Variants in CRYBG1 observed in about 807,000 individuals in gnomAD.
CRYBG1 encodes crystallin beta-gamma domain containing 1, also known as beta/gamma crystallin domain-containing protein 1.
In CRYBG1, 139 loss-of-function variants were observed where a neutral mutation model predicts 189.2. The ratio of observed to expected loss-of-function variants is 0.73; its 90% confidence interval spans 0.64 to 0.85. CRYBG1 has a LOEUF of 0.85. CRYBG1 is among the 40% of genes least tolerant of loss of function. The probability of loss-of-function intolerance (pLI) is 0.00; values close to 1 mark genes in which losing one functional copy is unlikely to be tolerated. For synonymous variants in CRYBG1, 1,023 were observed against 1,017.1 expected (o/e 1.01, Z -0.11); for missense variants, 2,611 against 2,675.8 (o/e 0.98, Z 0.53).
chr6:106,457,495 C>T (rs985126083), intron 2 of CRYBG1, among the ~76,000 whole-genome samples: 6 of 152,126 alleles, frequency 3.9e-5, no homozygotes, highest in African/African-American at 1.2e-4. Flanking sequence ...TTGTAGGGGA[C>T]AAATATTTAA....
Position 106,511,927 on chromosome 6 carries a change from G to T in CRYBG1, c.810G>T (p.Thr270=). The part of the protein sequence containing the change: ...GNSSRQENAE[T]PARSPGEDAS... ...CCTCCAGGCAAGAGAACGCAGAGAC[G>T]CCCGCCCGCAGTCCGGGGGAGGACG... is the stretch of plus-strand genomic sequence containing the variant. Residue 270 remains threonine, a synonymous_variant, in exon 3 of 22, where the codon ACG becomes ACT. Transcript: ENST00000633556. 1 of 1,525,068 alleles carries T rather than the reference G, an allele frequency of 6.6e-7. No individual in the cohort carries two copies. The highest frequency in any genetic ancestry group is 1.2e-5 in the South Asian group (1 of 83,134). 94.5% of individuals were successfully genotyped at this position (1,525,068 alleles called of 1,614,324 possible).
chr6:106,394,567 C>T (rs1444497271), intron 1 of CRYBG1, among the ~76,000 whole-genome samples: 1 of 152,156 alleles, frequency 6.6e-6, no homozygotes, highest in Non-Finnish European at 1.5e-5. Flanking sequence ...TTATTCCCAG[C>T]ATTGTTAAGC....
intron 15 of CRYBG1, among the ~76,000 whole-genome samples, chr6:106,552,756 T>C (rs1009030036): frequency 6.6e-6 from 1 of 152,220 alleles, no homozygotes; most frequent in African/African-American, 2.4e-5. Flanking sequence ...AAAATGCTTA[T>C]TGTATAAAGC....
intron 21 of CRYBG1, among the ~76,000 whole-genome samples, chr6:106,564,433 G>A (rs1209826973): frequency 6.6e-6 from 1 of 152,222 alleles, no homozygotes; most frequent in East Asian, 1.9e-4. Context: ...CAGCCTACAG[G>A]ATTTCAATGC....
chr6:106,493,761 A>G (rs1772779188), intron 2 of CRYBG1, among the ~76,000 whole-genome samples: 1 of 152,158 alleles, frequency 6.6e-6, no homozygotes, highest in South Asian at 2.1e-4. Context: ...ATGAGAACAC[A>G]TGGACACGTG....
chr6:106,433,763 A>G lies in CRYBG1; in HGVS notation c.174-17931A>G, dbSNP rs1304524546. On this transcript the variant is annotated intron_variant, in intron 1 of 21. Coordinates refer to ENST00000633556, the MANE Select transcript of CRYBG1 (RefSeq NM_001371242.2). ...TATATATGTATATATATATGTGTAT[A>G]TATATATATGTATATATATATAAAC... 4.8e-5 allele frequency among the ~76,000 whole-genome samples: 4 copies of G among 83,620 alleles called. 1 individual carries two copies. The highest frequency in any genetic ancestry group is 1.1e-4 in the Admixed American group (1 of 9,308). The allele number at this position is 83,620 out of a possible 152,430, so 54.9% of individuals were successfully genotyped here.
intron 1 of CRYBG1, among the ~76,000 whole-genome samples, chr6:106,399,534 G>A (rs559427853): frequency 4.6e-5 from 7 of 152,086 alleles, no homozygotes; most frequent in East Asian, 1.9e-4. Flanking sequence ...TGTTAAAAAC[G>A]TTAAAGGCCA....
At chr6:106,493,570 CAAGAG>C (rs1328875570) in intron 2 of CRYBG1, among the ~76,000 whole-genome samples, 2 of 152,070 alleles carry the variant, frequency 1.3e-5, no homozygotes, top group African/African-American at 4.8e-5. Context: ...TCACAATAGT[CAAGAG>C]AAGGAAAGAA....
At chr6:106,563,713 G>C in intron 20 of CRYBG1, 51 bp from the exon 21 acceptor site, 1 of 1,546,480 alleles carries the variant, frequency 6.5e-7, no homozygotes, top group Non-Finnish European at 8.8e-7. Context: ...ATTGCTATGA[G>C]ACTTACAGCT....
chr6:106,501,938 C>T (rs573900658), intron 2 of CRYBG1, among the ~76,000 whole-genome samples: 37 of 152,310 alleles, frequency 2.4e-4, no homozygotes, highest in African/African-American at 8.2e-4. Flanking sequence ...GTCTCAAGGT[C>T]ACTAGAAGTC....
intron 13 of CRYBG1, among the ~76,000 whole-genome samples, chr6:106,545,436 A>G (rs1345473824): frequency 2.6e-5 from 4 of 152,224 alleles, no homozygotes; most frequent in Non-Finnish European, 5.9e-5. Context: ...TTTAGTCAAG[A>G]TTCTTTGGGA....
rs1028996917 is a variant in CRYBG1, at chr6:106,527,413, C to G, written c.4521C>G (p.His1507Gln). ...LWGIEDILERHEEAESDKPVV... is the reference protein window; with the variant it reads ...LWGIEDILERQEEAESDKPVV... ...GTATAGAAGACATTTTGGAAAGGCA[C>G]GAAGAAGCAGAGTCTGATAAGCCAG... The change falls in exon 7 of 22, where the codon CAC (histidine) becomes CAG (glutamine). Residue 1507 changes from histidine (H) to glutamine (Q), a missense_variant. Physicochemically the swap from His to Gln is conservative, Grantham distance 24 (BLOSUM62 0). This residue lies in a region of CRYBG1 where 1,622 missense variants were observed against 1,735.0 expected (regional missense o/e 0.93). Coordinates refer to ENST00000633556, the MANE Select transcript of CRYBG1 (RefSeq NM_001371242.2). The G allele has an allele frequency of 1.2e-6, 2 of 1,613,506 alleles. No homozygotes were observed. Among genetic ancestry groups the G allele is most frequent in the East Asian group, 4.5e-5 (2 of 44,846 alleles).
intron 2 of CRYBG1, among the ~76,000 whole-genome samples, chr6:106,510,326 C>G (rs1348947731): frequency 1.3e-5 from 2 of 152,248 alleles, no homozygotes; most frequent in African/African-American, 4.8e-5. Flanking sequence ...CTCTATGCCC[C>G]GCACCTACCC....
chr6:106,416,232 A>T (rs989130884), intron 1 of CRYBG1, among the ~76,000 whole-genome samples: 9 of 152,302 alleles, frequency 5.9e-5, no homozygotes, highest in South Asian at 2.1e-4. Flanking sequence ...GGACCCACGG[A>T]GTTCCAGGGC....
At chr6:106,412,137 G>T (rs1020350751) in intron 1 of CRYBG1, among the ~76,000 whole-genome samples, 2 of 152,214 alleles carry the variant, frequency 1.3e-5, no homozygotes, top group Non-Finnish European at 2.9e-5. Context: ...CCATCACATC[G>T]TTATTCACAG....
intron 1 of CRYBG1, among the ~76,000 whole-genome samples, chr6:106,374,550 G>A (rs1770108581): frequency 6.6e-6 from 1 of 152,006 alleles, no homozygotes; most frequent in Non-Finnish European, 1.5e-5. Flanking sequence ...AGAGCAAGAC[G>A]TCTCGCTGAA....
intron 1 of CRYBG1, among the ~76,000 whole-genome samples, chr6:106,392,929 C>A (rs1770535725): frequency 6.6e-6 from 1 of 152,034 alleles, no homozygotes. Flanking sequence ...TGCGTGCCAC[C>A]ACACTTGGCT....
chr6:106,526,977 A>C (rs1025813603), intron 6 of CRYBG1, among the ~76,000 whole-genome samples: 3 of 150,698 alleles, frequency 2.0e-5, no homozygotes, highest in African/African-American at 7.3e-5. Flanking sequence ...AAAAAAAAAA[A>C]CCTAGTACAG....
At chr6:106,549,997 C>CCTCA (rs1355558725) in intron 13 of CRYBG1, among the ~76,000 whole-genome samples, 1 of 152,154 alleles carries the variant, frequency 6.6e-6, no homozygotes, top group Non-Finnish European at 1.5e-5. Context: ...GCCTGGTGGG[C>CCTCA]CTCAGGACAG....
Sources: allele counts gnomAD v4.1 joint callset (sites outside exome capture counted in the v4.1 genomes callset), GRCh38; gene constraint gnomAD v4.1.1; regional missense constraint gnomAD v4.1.1; transcripts MANE v1.5; gene names NCBI Gene and HGNC (gene_info 2026-07-23, HGNC 2026-07-21).